The following C12orf56 variants were observed in gnomAD, a reference collection of about 807,000 sequenced individuals.
C12orf56 encodes uncharacterized protein C12orf56.
In C12orf56, 71 loss-of-function variants were observed where a neutral mutation model predicts 69.9. The observed-to-expected ratio is 1.02, with a 90% CI of 0.84 to 1.24. The LOEUF (loss-of-function observed/expected upper bound fraction) is 1.24, where lower values mean the gene tolerates loss of function less well. Ranked by LOEUF, C12orf56 falls within the 50% of genes most tolerant of loss-of-function variation. C12orf56 has a pLI of 0.00. For missense variants in C12orf56, 732 were observed against 738.5 expected, an observed-to-expected ratio of 0.99 and a Z score of 0.10; for synonymous variants, 276 against 274.1, an observed-to-expected ratio of 1.01 and a Z score of -0.07.
intron 1 of C12orf56, among the ~76,000 whole-genome samples, chr12:64,375,421 T>C (rs1334904693): frequency 6.6e-6 from 1 of 152,238 alleles, no homozygotes; most frequent in Non-Finnish European, 1.5e-5. Context: ...TTTTGTCTTT[T>C]TGAGCAATTT....
intron 11 of C12orf56, among the ~76,000 whole-genome samples, chr12:64,274,389 T>G (rs892243227): frequency 3.9e-5 from 6 of 152,140 alleles, no homozygotes; most frequent in African/African-American, 1.4e-4. Flanking sequence ...GGAAGAGTTA[T>G]TGAGAGATTT....
intron 8 of C12orf56, among the ~76,000 whole-genome samples, chr12:64,279,357 T>A (rs568510621): frequency 1.7e-4 from 26 of 152,204 alleles, no homozygotes; most frequent in Non-Finnish European, 3.1e-4. Flanking sequence ...CGCTATCTCC[T>A]CCTATTGGGT....
At chr12:64,275,885 T>G (rs2038044133) in intron 9 of C12orf56, among the ~76,000 whole-genome samples, 1 of 152,086 alleles carries the variant, frequency 6.6e-6, no homozygotes, top group African/African-American at 2.4e-5. Context: ...GGGATTCAGA[T>G]GCAAGCCATT....
At chr12:64,358,291 A>G (rs1044863137) in intron 1 of C12orf56, among the ~76,000 whole-genome samples, 1 of 148,448 alleles carries the variant, frequency 6.7e-6, no homozygotes, top group African/African-American at 2.5e-5. Context: ...AACTCCGTCT[A>G]TACTAAAAAT....
intron 1 of C12orf56, among the ~76,000 whole-genome samples, chr12:64,387,766 C>G (rs886957337): frequency 2.0e-5 from 3 of 151,400 alleles, no homozygotes; most frequent in Non-Finnish European, 4.4e-5. Flanking sequence ...GAACTGAGAT[C>G]GGGCCACTGC....
At chr12:64,316,574 A>G (rs1346915993) in intron 4 of C12orf56, among the ~76,000 whole-genome samples, 1 of 152,118 alleles carries the variant, frequency 6.6e-6, no homozygotes, top group African/African-American at 2.4e-5. Flanking sequence ...TTTCAATGAT[A>G]GTGTCTACCA....
intron 1 of C12orf56, 50 bp downstream of exon 1, chr12:64,390,264 G>T: frequency 6.5e-7 from 1 of 1,541,100 alleles, no homozygotes; most frequent in East Asian, 2.3e-5. Flanking sequence ...GGCCCCAGCC[G>T]GGAGTTCTCA....
intron 1 of C12orf56, among the ~76,000 whole-genome samples, chr12:64,372,843 A>G (rs902473555): frequency 6.6e-6 from 1 of 152,110 alleles, no homozygotes; most frequent in African/African-American, 2.4e-5. Context: ...ATTTGAGTTT[A>G]GATACATTGT....
At chr12:64,337,867 A>AAC (rs1555191194) in intron 2 of C12orf56, among the ~76,000 whole-genome samples, 1 of 150,128 alleles carries the variant, frequency 6.7e-6, no homozygotes, top group Non-Finnish European at 1.5e-5. Context: ...AAAAAAAAAA[A>AAC]AAAAAAACAC....
chr12:64,281,023 A>C (rs988806622), intron 8 of C12orf56, among the ~76,000 whole-genome samples: 8 of 152,212 alleles, frequency 5.3e-5, no homozygotes, highest in African/African-American at 1.9e-4. Context: ...TTGTAATCCC[A>C]GCACTTTGGG....
At chr12:64,334,814 T>G (rs981972189) in intron 2 of C12orf56, among the ~76,000 whole-genome samples, 3 of 152,196 alleles carry the variant, frequency 2.0e-5, no homozygotes, top group African/African-American at 4.8e-5. Context: ...TTCATCTATT[T>G]AATTTTATAC....
Position 64,380,104 on chromosome 12 carries a change from CAAAAA to C in C12orf56, c.252+10205_252+10209del, listed in dbSNP as rs60079906. Among the ~76,000 whole-genome samples the C allele has an allele frequency of 2.4e-3, 118 of 49,954 alleles. 4 individuals carry two copies. Among genetic ancestry groups the C allele is most frequent in the African/African-American group, 0.012 (109 of 8,896 alleles). 32.8% of individuals were successfully genotyped at this position (49,954 alleles called of 152,430 possible). A position where few individuals can be genotyped will look rare whatever the true frequency, so the allele number is the denominator to read the frequency against. On this transcript the variant is annotated intron_variant, in intron 1 of 12. Transcript: ENST00000543942. Reference sequence around the variant, plus strand: ...TGGGCGACAGAGCAAGACTCCGTCGCAAAAAAAAAAAAAAAAAAAAAAAAAAAAAA... The same window carrying C: ...TGGGCGACAGAGCAAGACTCCGTCGCAAAAAAAAAAAAAAAAAAAAAAAAA...
At chr12:64,358,484 TC>T (rs368061528) in intron 1 of C12orf56, among the ~76,000 whole-genome samples, 55,929 of 137,896 alleles carry the variant, frequency 0.41, 11,109 homozygotes, top group East Asian at 0.63. Context: ...ATAATAATAA[TC>T]ATCATCATCA....
At chr12:64,272,270 C>A (rs1160748743) in intron 11 of C12orf56, among the ~76,000 whole-genome samples, 1 of 151,934 alleles carries the variant, frequency 6.6e-6, no homozygotes, top group African/African-American at 2.4e-5. Context: ...TTTAGGAGGC[C>A]GAAGTGGGAG....
intron 1 of C12orf56, among the ~76,000 whole-genome samples, chr12:64,388,661 C>CT (rs2039825830): frequency 6.6e-6 from 1 of 152,132 alleles, no homozygotes; most frequent in African/African-American, 2.4e-5. Context: ...TTGAGACTAG[C>CT]TTGGGCAACA....
rs76991815 is a variant in C12orf56, at chr12:64,327,302, G to A, written c.488+3658C>T. Reference sequence around the variant, plus strand: ...GGACAGCACAGAGAAGGGAGAAAGAGCACAGAATGGGAGAAATGGAAACAA... The same window carrying A: ...GGACAGCACAGAGAAGGGAGAAAGAACACAGAATGGGAGAAATGGAAACAA... On this transcript the variant is annotated intron_variant, in intron 3 of 12. Coordinates refer to ENST00000543942, the MANE Select transcript of C12orf56 (RefSeq NM_001170633.2). 2.6e-5 allele frequency among the ~76,000 whole-genome samples: 4 copies of A among 152,282 alleles called. No homozygotes were observed. The East Asian group carries it at 7.7e-4, about 29-fold the overall frequency.
rs182308157 is a variant in C12orf56, at chr12:64,298,279, A to C, written c.1113+5356T>G. ...ACGTCCTTTGTAGATTCTGGATATTAGCCCTTTGTCAGATGGATAGATTGC... is the reference window on the plus strand; with the variant it reads ...ACGTCCTTTGTAGATTCTGGATATTCGCCCTTTGTCAGATGGATAGATTGC... On this transcript the variant is annotated intron_variant, in intron 6 of 12. Coordinates refer to ENST00000543942, the MANE Select transcript of C12orf56 (RefSeq NM_001170633.2). Among the ~76,000 whole-genome samples, 355 of 152,304 alleles carry C rather than the reference A, an allele frequency of 2.3e-3. 2 individuals carry two copies. Among genetic ancestry groups the C allele is most frequent in the African/African-American group, 8.0e-3 (334 of 41,558 alleles).
intron 6 of C12orf56, among the ~76,000 whole-genome samples, chr12:64,294,410 A>T (rs1269485526): frequency 6.6e-6 from 1 of 152,218 alleles, no homozygotes; most frequent in East Asian, 1.9e-4. Context: ...CATTACTCAC[A>T]ACATCTAAAA....
intron 4 of C12orf56, among the ~76,000 whole-genome samples, chr12:64,317,715 A>C (rs1363983866): frequency 2.6e-5 from 4 of 151,828 alleles, no homozygotes; most frequent in Admixed American, 2.6e-4. Flanking sequence ...AGCCGAGATC[A>C]CACCACTGCG....
Sources: allele counts gnomAD v4.1 joint callset (sites outside exome capture counted in the v4.1 genomes callset), GRCh38; gene constraint gnomAD v4.1.1; transcripts MANE v1.5; gene names NCBI Gene and HGNC (gene_info 2026-07-23, HGNC 2026-07-21).